MYO5A: variants seen among roughly 807,000 people sequenced by gnomAD.
MYO5A encodes the protein myosin VA.
In MYO5A, 98 loss-of-function variants were observed where a neutral mutation model predicts 249.7. The ratio of observed to expected loss-of-function variants is 0.39; its 90% confidence interval spans 0.33 to 0.46. The LOEUF is 0.46. Among genes scored for constraint, MYO5A ranks in the 20% least tolerant of loss-of-function variants. The pLI is 0.98. For missense variants in MYO5A, 1,696 were observed against 2,308.8 expected, an observed-to-expected ratio of 0.73 and a Z score of 5.44; for synonymous variants, 778 against 810.6, an observed-to-expected ratio of 0.96 and a Z score of 0.68.
chr15:52,460,435 A>G (rs543504605), intron 1 of MYO5A, among the ~76,000 whole-genome samples: 1 of 152,370 alleles, frequency 6.6e-6, no homozygotes, highest in South Asian at 2.1e-4. Flanking sequence ...ACTCGCCGTC[A>G]GGAGCTGGAG....
intron 1 of MYO5A, among the ~76,000 whole-genome samples, chr15:52,490,043 C>T (rs1290085974): frequency 6.6e-6 from 1 of 152,072 alleles, no homozygotes; most frequent in Admixed American, 6.6e-5. Flanking sequence ...ATTAGAATAC[C>T]TACTATCAAA....
intron 33 of MYO5A, among the ~76,000 whole-genome samples, chr15:52,337,518 A>G (rs2039173494): frequency 6.6e-6 from 1 of 152,268 alleles, no homozygotes; most frequent in Admixed American, 6.5e-5. Flanking sequence ...AACAGTTGCT[A>G]TCTCTTCAAA....
At chr15:52,463,242 G>A (rs183609781) in intron 1 of MYO5A, among the ~76,000 whole-genome samples, 1 of 152,266 alleles carries the variant, frequency 6.6e-6, no homozygotes, top group East Asian at 1.9e-4. Flanking sequence ...TGTCAAGCCG[G>A]CATCCTGGCA....
chr15:52,384,291 T>G lies in MYO5A; in HGVS notation c.1784A>C (p.Asp595Ala). Reference sequence around the variant, plus strand: ...TGAAGTTGGACTGATGGCCTTCTCATCATCTTGAAATAGTTCTGGTAGCAT... The same window carrying G: ...TGAAGTTGGACTGATGGCCTTCTCAGCATCTTGAAATAGTTCTGGTAGCAT... ...FKMLPELFQD[D>A]EKAISPTSAT... Residue 595 changes from aspartate (D) to alanine (A), a missense_variant, in exon 15 of 42, where the codon GAT becomes GCT. Asp to Ala is a moderately radical substitution (Grantham distance 126). Around this residue, in one of 5 missense-constraint regions of MYO5A, gnomAD observed 277 missense variants for 422.4 expected, o/e 0.66. Transcript: ENST00000399233. 6.2e-7 allele frequency: 1 copy of G among 1,614,182 alleles called. No individual in the cohort carries two copies. The highest frequency in any genetic ancestry group is 8.5e-7 in the Non-Finnish European group (1 of 1,180,006).
At chr15:52,400,904 T>C (rs2042723222) in intron 9 of MYO5A, among the ~76,000 whole-genome samples, 1 of 152,172 alleles carries the variant, frequency 6.6e-6, no homozygotes, top group African/African-American at 2.4e-5. Context: ...ATTATTCTAA[T>C]TAATCAAATT....
chr15:52,313,597 A>T lies in MYO5A; in HGVS notation c.*99T>A. The T allele has an allele frequency of 7.0e-7, 1 of 1,418,818 alleles. No individual in the cohort carries two copies. The highest frequency in any genetic ancestry group is 1.2e-5 in the South Asian group (1 of 84,404). 87.9% of individuals were successfully genotyped at this position (1,418,818 alleles called of 1,614,324 possible). On this transcript the variant is annotated 3_prime_UTR_variant, in exon 42 of 42. Coordinates refer to ENST00000399233, the MANE Select transcript of MYO5A (RefSeq NM_001382347.1). ...ACTTCTCATTTGGGAGATAATCAGT[A>T]CTTTCTCTTTAAAAATGTATTTTCA...
chr15:52,349,546 A>T (rs2039835639), intron 28 of MYO5A, among the ~76,000 whole-genome samples: 1 of 151,990 alleles, frequency 6.6e-6, no homozygotes, highest in Non-Finnish European at 1.5e-5. Flanking sequence ...GGCAAGGGAG[A>T]ATGTGTGATA....
At chr15:52,385,605 G>A (rs2041941399) in intron 14 of MYO5A, among the ~76,000 whole-genome samples, 1 of 77,122 alleles carries the variant, frequency 1.3e-5, no homozygotes, top group African/African-American at 3.5e-5. Context: ...CAAATTGTAA[G>A]CTAGAGGCTG....
intron 1 of MYO5A, among the ~76,000 whole-genome samples, chr15:52,487,870 C>G (rs781291540): frequency 1.7e-4 from 26 of 152,250 alleles, no homozygotes; most frequent in Non-Finnish European, 7.4e-5. Context: ...ACCCCACATT[C>G]CCAGACAGCT....
At position 52,507,803 on chromosome 15, in the gene MYO5A, C is replaced by CAAAAAAAAAAAAAAAAAAAAAAA. The variant is rs146846192; in HGVS notation, c.27+20976_27+20977insTTTTTTTTTTTTTTTTTTTTTTT. Among the ~76,000 whole-genome samples, 8 of 127,162 alleles carry CAAAAAAAAAAAAAAAAAAAAAAA rather than the reference C, an allele frequency of 6.3e-5. 1 individual carries two copies. The highest frequency in any genetic ancestry group is 8.0e-5 in the Admixed American group (1 of 12,498). 83.4% of individuals were successfully genotyped at this position (127,162 alleles called of 152,430 possible). On this transcript the variant is annotated intron_variant, in intron 1 of 41. Coordinates refer to ENST00000399233, the MANE Select transcript of MYO5A (RefSeq NM_001382347.1). The stretch of plus-strand genomic sequence containing the variant: ...TGAGCAACAGAATGAGACCCTGTCC[C>CAAAAAAAAAAAAAAAAAAAAAAA]CAAAAAAAAAAAAAAAAAGTGTAAT...
rs757535360 is a variant in MYO5A at position 52,425,866 on chromosome 15, A to T, written c.419T>A (p.Phe140Tyr). The T allele has an allele frequency of 6.2e-7, 1 of 1,614,120 alleles. No homozygotes were observed. The highest frequency in any genetic ancestry group is 2.2e-5 in the East Asian group (1 of 44,862). Residue 140 changes from phenylalanine to tyrosine, a missense_variant, in exon 4 of 42, where the codon TTT (phenylalanine) becomes TAT (tyrosine). This residue lies in a region of MYO5A where 197 missense variants were observed against 320.3 expected (regional missense o/e 0.62). Coordinates refer to ENST00000399233, the MANE Select transcript of MYO5A (RefSeq NM_001382347.1). ...CTTGTAAGCTTCTTCAGCTACTGCA[A>T]AGATATGTGGATCCATATCACCCAT... is the stretch of plus-strand genomic sequence containing the variant. ...QNMGDMDPHI[F>Y]AVAEEAYKQM...
chr15:52,385,536 A>C (rs1402883860), intron 14 of MYO5A, among the ~76,000 whole-genome samples: 1 of 152,106 alleles, frequency 6.6e-6, no homozygotes, highest in Non-Finnish European at 1.5e-5. Context: ...ATATCAAATA[A>C]AGCACCTTCT....
At chr15:52,400,575 T>C (rs2042705221) in intron 9 of MYO5A, among the ~76,000 whole-genome samples, 1 of 152,248 alleles carries the variant, frequency 6.6e-6, no homozygotes, top group South Asian at 2.1e-4. Context: ...TAGTCTCCTT[T>C]AACATGAACA....
chr15:52,337,204 G>T (rs888508227), intron 33 of MYO5A, among the ~76,000 whole-genome samples: 3 of 152,112 alleles, frequency 2.0e-5, no homozygotes, highest in African/African-American at 7.2e-5. Context: ...GAAGAAAGGG[G>T]TATTTATGAA....
At chr15:52,487,427 A>G (rs1228496421) in intron 1 of MYO5A, among the ~76,000 whole-genome samples, 2 of 151,966 alleles carry the variant, frequency 1.3e-5, no homozygotes, top group Non-Finnish European at 2.9e-5. Context: ...AAATTAAAAA[A>G]AAATTAAAAA....
In MYO5A at chr15:52,387,886, G is replaced by A. The variant is rs1218542858; in HGVS notation, c.1695C>T (p.Leu565=). 6 of 1,611,998 alleles carry A rather than the reference G, an allele frequency of 3.7e-6. No individual in the cohort carries two copies. Among genetic ancestry groups the A allele is most frequent in the Middle Eastern group, 3.3e-4 (2 of 6,042 alleles). ...DKVEYQCEGF[L]EKNKDTVFEE... ...CAAAAACGGTGTCTTTATTCTTTTC[G>A]AGAAATCCTTCACACTGGTATTCCA... is the stretch of plus-strand genomic sequence containing the variant. Residue 565 remains leucine, a synonymous_variant, in exon 14 of 42, where the codon CTC becomes CTT. Coordinates refer to ENST00000399233, the MANE Select transcript of MYO5A (RefSeq NM_001382347.1).
At chr15:52,359,615 A>C (rs1021870110) in intron 25 of MYO5A, among the ~76,000 whole-genome samples, 1 of 152,230 alleles carries the variant, frequency 6.6e-6, no homozygotes, top group Non-Finnish European at 1.5e-5. Flanking sequence ...TATAAAGTAA[A>C]TAAATAATAA....
intron 1 of MYO5A, among the ~76,000 whole-genome samples, chr15:52,517,188 T>C (rs1168400827): frequency 1.3e-5 from 2 of 152,172 alleles, no homozygotes; most frequent in Non-Finnish European, 2.9e-5. Context: ...TAAAATGAAG[T>C]GAATGTGAAT....
At position 52,378,880 on chromosome 15, in the gene MYO5A, C is replaced by T. The variant is rs80130704; in HGVS notation, c.2208+745G>A. ...CCTACTGAATCAGAAATTCTGATGGCGGGGCCCAGCAATCTGTATTTTAAC... is the reference window on the plus strand; with the variant it reads ...CCTACTGAATCAGAAATTCTGATGGTGGGGCCCAGCAATCTGTATTTTAAC... On this transcript the variant is annotated intron_variant, in intron 18 of 41. Transcript: ENST00000399233. Among the ~76,000 whole-genome samples, 694 of 152,242 alleles carry T rather than the reference C, an allele frequency of 4.6e-3. 12 individuals are homozygous for T. The East Asian group carries it at 0.057, about 13-fold the overall frequency.
Sources: allele counts gnomAD v4.1 joint callset (sites outside exome capture counted in the v4.1 genomes callset), GRCh38; gene constraint gnomAD v4.1.1; regional missense constraint gnomAD v4.1.1; transcripts MANE v1.5; gene names NCBI Gene and HGNC (gene_info 2026-07-23, HGNC 2026-07-21).